Variants in GCC2 observed in about 807,000 individuals in gnomAD.
GCC2 encodes the protein GRIP and coiled-coil domain containing 2.
In GCC2, 120 loss-of-function variants were observed where a neutral mutation model predicts 210.6. The ratio of observed to expected loss-of-function variants is 0.57; its 90% CI spans 0.49 to 0.66. The LOEUF is 0.66. GCC2 is among the 30% of genes least tolerant of loss of function. The pLI is 0.00. For missense variants in GCC2, 1,868 were observed against 1,871.9 expected (o/e 1.00, Z 0.04); for synonymous variants, 703 against 652.7 (o/e 1.08, Z -1.17).
In GCC2 at chr2:108,492,682, G is replaced by C. The variant is rs1350870505; in HGVS notation, c.4339G>C (p.Val1447Leu). 1.9e-6 allele frequency: 3 copies of C among 1,613,940 alleles called. No homozygotes were observed. The highest frequency in any genetic ancestry group is 2.5e-6 in the Non-Finnish European group (3 of 1,179,806). Residue 1447 changes from valine (V) to leucine (L), a missense_variant, in exon 19 of 23, where the codon GTG becomes CTG. Physicochemically the swap from Val to Leu is conservative, Grantham distance 32. Around this residue, in one of 3 missense-constraint regions of GCC2, gnomAD observed 1,847 missense variants for 1,765.2 expected, o/e 1.05. Transcript: ENST00000309863. ...CCTTCGAAATAGCTTCCGAGATCAA[G>C]TGCGACATTTGCAGGAAGAACACAG... Reference protein sequence around the residue: ...EVLRNSFRDQVRHLQEEHRKT... With the variant: ...EVLRNSFRDQLRHLQEEHRKT...
intron 22 of GCC2, among the ~76,000 whole-genome samples, chr2:108,506,557 T>C (rs954621486): frequency 9.1e-4 from 139 of 152,328 alleles, no homozygotes; most frequent in Non-Finnish European, 1.3e-3. Flanking sequence ...CAGTGCTATA[T>C]GCTGAAAAGG....
rs1254995753 is a variant in GCC2, at chr2:108,495,614, T to C, written c.4642+129T>C. 3 of 544,718 alleles carry C rather than the reference T, an allele frequency of 5.5e-6. No homozygotes were observed. In the Admixed American group the frequency reaches 9.4e-5, roughly 17 times the overall value. 33.7% of individuals were successfully genotyped at this position (544,718 alleles called of 1,614,324 possible). On this transcript the variant is annotated intron_variant, in intron 20 of 22. Coordinates refer to ENST00000309863, the MANE Select transcript of GCC2 (RefSeq NM_181453.4). ...ATTTCTTTCAATATTCCACTACCTGTTTGTATTAGGGTTCTCTAGAGGGAC... is the reference window on the plus strand; with the variant it reads ...ATTTCTTTCAATATTCCACTACCTGCTTGTATTAGGGTTCTCTAGAGGGAC...
At chr2:108,482,673 A>ATTTAT (rs780149324) in intron 11 of GCC2, among the ~76,000 whole-genome samples, 20 of 152,010 alleles carry the variant, frequency 1.3e-4, no homozygotes, top group South Asian at 2.1e-4. Context: ...AGCGTGTCAG[A>ATTTAT]TTTATTTTAT....
chr2:108,472,973 T>A, intron 7 of GCC2, 74 bp downstream of exon 7: 1 of 825,070 alleles, frequency 1.2e-6, no homozygotes, highest in Non-Finnish European at 1.9e-6. Flanking sequence ...GATTGGGAAA[T>A]ATAGTAGCCA....
chr2:108,484,831 G>A (rs998743884), intron 13 of GCC2: 6 of 151,888 alleles, frequency 4.0e-5, no homozygotes, highest in Non-Finnish European at 8.8e-5. Context: ...TAGCCTTGTA[G>A]TATAGTTTGA....
intron 19 of GCC2, chr2:108,493,329 C>T: frequency 1.4e-6 from 1 of 739,676 alleles, no homozygotes; most frequent in South Asian, 5.9e-5. Context: ...ACCTCGTGAT[C>T]CACCCGCCTC....
intron 12 of GCC2, 57 bp downstream of exon 12, chr2:108,483,223 T>G: frequency 1.2e-6 from 1 of 849,102 alleles, no homozygotes. Flanking sequence ...TCTGTTTTGT[T>G]GTTCTGTTTG....
rs774169009 is a variant in GCC2, at chr2:108,471,127, A to G, written c.1798A>G (p.Ile600Val). Reference protein sequence around the residue: ...NSLTEEKDDFINKLKNSHEEM... With the variant: ...NSLTEEKDDFVNKLKNSHEEM... Reference sequence around the variant, plus strand: ...TCTTACTGAGGAAAAAGATGATTTTATAAATAAACTGAAAAATTCCCATGA... The same window carrying G: ...TCTTACTGAGGAAAAAGATGATTTTGTAAATAAACTGAAAAATTCCCATGA... The change falls in exon 6 of 23, where the codon ATA (isoleucine) becomes GTA (valine). Residue 600 changes from isoleucine to valine, a missense_variant. By Grantham distance (29) the Ile-to-Val change is conservative (BLOSUM62 3). Transcript: ENST00000309863. 1 of 1,587,252 alleles carries G rather than the reference A, an allele frequency of 6.3e-7. No homozygotes were observed. Among genetic ancestry groups the G allele is most frequent in the South Asian group, 1.1e-5 (1 of 88,240 alleles).
intron 7 of GCC2, 57 bp downstream of exon 7, chr2:108,472,956 T>C: frequency 2.1e-6 from 2 of 959,640 alleles, no homozygotes; most frequent in Non-Finnish European, 3.2e-6. Context: ...TTCTTAGTGT[T>C]AGAATAGATT....
In GCC2 at chr2:108,502,779, C is replaced by T. The variant is rs190290226; in HGVS notation, c.4984+3025C>T. 1.9e-3 allele frequency among the ~76,000 whole-genome samples: 285 copies of T among 151,960 alleles called. 1 individual carries two copies. The highest frequency in any genetic ancestry group is 6.2e-3 in the East Asian group (32 of 5,168). ...CTCTACTCAGAATACAAAAATTAGC[C>T]GGGCGTGGTGGCACATGCCTGTAAT... is the stretch of plus-strand genomic sequence containing the variant. On this transcript the variant is annotated intron_variant, in intron 22 of 22. Transcript: ENST00000309863.
chr2:108,486,013 C>T (rs1682122039), intron 15 of GCC2, 105 bp downstream of exon 15: 1 of 578,544 alleles, frequency 1.7e-6, no homozygotes, highest in African/African-American at 1.9e-5. Flanking sequence ...TAGAAAGATT[C>T]CTCAACATTT....
intron 4 of GCC2, among the ~76,000 whole-genome samples, chr2:108,455,548 A>G (rs1680231285): frequency 6.6e-6 from 1 of 151,578 alleles, no homozygotes; most frequent in Admixed American, 6.6e-5. Context: ...CATGGGGTAC[A>G]TGTGAAATTT....
intron 4 of GCC2, among the ~76,000 whole-genome samples, chr2:108,462,080 G>A (rs1184052207): frequency 6.2e-5 from 9 of 145,468 alleles, no homozygotes; most frequent in East Asian, 4.2e-4. Context: ...CTCGTGATCC[G>A]CCCGCCTCGG....
Position 108,471,855 on chromosome 2 carries a change from C to G in GCC2, c.2526C>G (p.Leu842=). ...LLRDYEQEKV[L]LRKELEEIQS... ...GAGACTATGAGCAAGAGAAAGTTCTCTTAAGGAAAGAGTTAGAAGAAATAC... is the reference window on the plus strand; with the variant it reads ...GAGACTATGAGCAAGAGAAAGTTCTGTTAAGGAAAGAGTTAGAAGAAATAC... Residue 842 remains leucine (L), a synonymous_variant, in exon 6 of 23, where the codon CTC becomes CTG. Coordinates refer to ENST00000309863, the MANE Select transcript of GCC2 (RefSeq NM_181453.4). 1 of 1,613,198 alleles carries G rather than the reference C, an allele frequency of 6.2e-7. No homozygotes were observed. Among genetic ancestry groups the G allele is most frequent in the Non-Finnish European group, 8.5e-7 (1 of 1,179,564 alleles).
At position 108,471,599 on chromosome 2, in the gene GCC2, C is replaced by T; in HGVS notation, c.2270C>T (p.Thr757Ile). The T allele has an allele frequency of 6.2e-7, 1 of 1,612,758 alleles. No homozygotes were observed. The highest frequency in any genetic ancestry group is 8.5e-7 in the Non-Finnish European group (1 of 1,179,510). The change falls in exon 6 of 23, where the codon ACT (threonine) becomes ATT (isoleucine). Residue 757 changes from threonine to isoleucine, a missense_variant. Thr to Ile is a moderately conservative substitution (Grantham distance 89, BLOSUM62 -1). This residue lies in a region of GCC2 where 1,847 missense variants were observed against 1,765.2 expected (regional missense o/e 1.05). Transcript: ENST00000309863. ...CAAGTTCAGAAGTTATTTGTTAAAA[C>T]TCAGTTGTATGGTTTTCTTAAAGAA... ...NEQVQKLFVKTQLYGFLKEMG... is the reference protein window; with the variant it reads ...NEQVQKLFVKIQLYGFLKEMG...
chr2:108,485,514 C>A, intron 13 of GCC2, 122 bp from the exon 14 acceptor site: 1 of 574,768 alleles, frequency 1.7e-6, no homozygotes, highest in East Asian at 2.9e-5. Context: ...TTGAAGTATT[C>A]CATAATAAAA....
At chr2:108,498,447 G>A (rs1682758715) in intron 21 of GCC2, among the ~76,000 whole-genome samples, 1 of 151,892 alleles carries the variant, frequency 6.6e-6, no homozygotes, top group South Asian at 2.1e-4. Flanking sequence ...GCCTGCCTCA[G>A]CCTCCCAAAG....
intron 4 of GCC2, among the ~76,000 whole-genome samples, chr2:108,468,213 C>T (rs913389499): frequency 1.3e-5 from 2 of 152,020 alleles, no homozygotes; most frequent in African/African-American, 4.8e-5. Flanking sequence ...AGGCACCCAC[C>T]ACCACACCCA....
At chr2:108,482,225 A>T in intron 10 of GCC2, 62 bp from the exon 11 acceptor site, 1 of 950,952 alleles carries the variant, frequency 1.1e-6, no homozygotes, top group Non-Finnish European at 1.6e-6. Context: ...GTACCTGTTC[A>T]TTCTTCCTCT....
Sources: gnomAD v4.1 joint callset for allele counts (sites outside exome capture counted in the v4.1 genomes callset) on GRCh38, gnomAD v4.1.1 for gene constraint, gnomAD v4.1.1 regional missense constraint, MANE v1.5 for transcripts, NCBI Gene and HGNC (gene_info 2026-07-23, HGNC 2026-07-21) for gene names.